EYS: variants seen among roughly 807,000 people sequenced by gnomAD.
EYS encodes the protein EGF-like photoreceptor maintenance factor, also known as protein eyes shut homolog.
A neutral mutation model predicts 282.1 loss-of-function variants in EYS; 250 were observed. That is an observed-to-expected ratio of 0.89 (90% confidence interval 0.80 to 0.98). EYS has a LOEUF of 0.98. EYS is among the 50% of genes least tolerant of loss of function. EYS has a pLI of 0.00. For synonymous variants in EYS, 1,355 were observed against 1,282.9 expected, an observed-to-expected ratio of 1.06 and a Z score of -1.20; for missense variants, 4,016 against 3,709.0, an observed-to-expected ratio of 1.08 and a Z score of -2.15.
At chr6:64,723,101 A>C (rs1364013404) in intron 22 of EYS, among the ~76,000 whole-genome samples, 3 of 150,364 alleles carry the variant, frequency 2.0e-5, no homozygotes, top group African/African-American at 4.9e-5. Flanking sequence ...AAAAAAAAAG[A>C]AACTGGTTTA....
intron 22 of EYS, among the ~76,000 whole-genome samples, chr6:64,727,943 A>T (rs957106427): frequency 2.0e-5 from 3 of 152,226 alleles, no homozygotes; most frequent in Non-Finnish European, 4.4e-5. Flanking sequence ...ATCTGAAGAT[A>T]CAATTGAAAC....
chr6:63,777,288 C>CT (rs1407953331), intron 40 of EYS, among the ~76,000 whole-genome samples: 1 of 152,160 alleles, frequency 6.6e-6, no homozygotes, highest in African/African-American at 2.4e-5. Flanking sequence ...AGGAGAAACT[C>CT]TGACACTCCT....
chr6:65,068,195 C>G (rs1773802422), intron 12 of EYS, among the ~76,000 whole-genome samples: 1 of 152,110 alleles, frequency 6.6e-6, no homozygotes, highest in Non-Finnish European at 1.5e-5. Context: ...GCATTTAGAG[C>G]ATCCATGAAA....
chr6:65,687,688 G>A (rs921690311), intron 1 of EYS, among the ~76,000 whole-genome samples: 3 of 152,142 alleles, frequency 2.0e-5, no homozygotes, highest in Non-Finnish European at 2.9e-5. Context: ...AAACCCCATC[G>A]TCTCAGCCCA....
At chr6:64,299,646 A>T (rs1181526593) in intron 30 of EYS, among the ~76,000 whole-genome samples, 1 of 152,222 alleles carries the variant, frequency 6.6e-6, no homozygotes, top group Non-Finnish European at 1.5e-5. Flanking sequence ...AGCTCAACAG[A>T]AACAGTACAT....
At chr6:64,823,901 A>C (rs186452778) in intron 19 of EYS, among the ~76,000 whole-genome samples, 1 of 152,088 alleles carries the variant, frequency 6.6e-6, no homozygotes, top group East Asian at 1.9e-4. Context: ...TCTTGTAGCC[A>C]ATACATAATA....
At chr6:64,060,101 C>T (rs1688267186) in intron 33 of EYS, among the ~76,000 whole-genome samples, 1 of 151,990 alleles carries the variant, frequency 6.6e-6, no homozygotes, top group African/African-American at 2.4e-5. Flanking sequence ...CAAAAGTCAC[C>T]ATCTGTTTCA....
chr6:65,349,135 T>A (rs1770505915), intron 9 of EYS, among the ~76,000 whole-genome samples: 1 of 151,604 alleles, frequency 6.6e-6, no homozygotes, highest in African/African-American at 2.4e-5. Context: ...ATGGCAGTTT[T>A]ATTATATGTT....
At chr6:64,575,939 A>T (rs1381769987) in intron 26 of EYS, among the ~76,000 whole-genome samples, 2 of 152,136 alleles carry the variant, frequency 1.3e-5, no homozygotes, top group Non-Finnish European at 2.9e-5. Context: ...TGACTGCACA[A>T]AATTAGTGGT....
chr6:64,694,596 G>A (rs1357803892), intron 22 of EYS, among the ~76,000 whole-genome samples: 1 of 152,146 alleles, frequency 6.6e-6, no homozygotes, highest in East Asian at 1.9e-4. Context: ...ATAGGTGACT[G>A]CACAGGAAGC....
At chr6:65,434,532 G>A (rs1641504441) in intron 5 of EYS, among the ~76,000 whole-genome samples, 2 of 152,078 alleles carry the variant, frequency 1.3e-5, no homozygotes, top group Non-Finnish European at 2.9e-5. Flanking sequence ...ATGTTAGCCA[G>A]GACGGTTTCG....
chr6:64,842,587 G>T (rs1182054627), intron 19 of EYS, among the ~76,000 whole-genome samples: 1 of 151,980 alleles, frequency 6.6e-6, no homozygotes, highest in East Asian at 1.9e-4. Context: ...AATGGTGATA[G>T]CAATATGAAT....
At chr6:64,625,565 G>A (rs1026628862) in intron 23 of EYS, among the ~76,000 whole-genome samples, 39 of 152,164 alleles carry the variant, frequency 2.6e-4, no homozygotes, top group South Asian at 4.1e-4. Context: ...AATCCCATTC[G>A]CAAGGGCTTT....
chr6:64,692,507 A>G (rs1230372496), intron 22 of EYS, among the ~76,000 whole-genome samples: 1 of 152,126 alleles, frequency 6.6e-6, no homozygotes, highest in African/African-American at 2.4e-5. Flanking sequence ...TTTTCATTGC[A>G]ATTGCTTTTG....
chr6:65,285,411 A>C (rs1243828717), intron 12 of EYS, among the ~76,000 whole-genome samples: 1 of 151,980 alleles, frequency 6.6e-6, no homozygotes, highest in Non-Finnish European at 1.5e-5. Flanking sequence ...TTTTCTGAGA[A>C]ATGCAAAAAA....
chr6:64,092,579 G>A (rs953046539), intron 31 of EYS, among the ~76,000 whole-genome samples: 4 of 152,084 alleles, frequency 2.6e-5, no homozygotes, highest in Non-Finnish European at 5.9e-5. Context: ...CATATCCTTT[G>A]CCCACTTTTT....
chr6:64,041,148 T>C (rs1481222005), intron 33 of EYS, among the ~76,000 whole-genome samples: 1 of 152,106 alleles, frequency 6.6e-6, no homozygotes, highest in Non-Finnish European at 1.5e-5. Context: ...CCTCTTTAGA[T>C]AGTGGGTGAT....
At chr6:64,567,625 T>G (rs1562066174) in intron 26 of EYS, among the ~76,000 whole-genome samples, 2 of 152,222 alleles carry the variant, frequency 1.3e-5, no homozygotes, top group Admixed American at 6.5e-5. Flanking sequence ...AAGAAAAAGC[T>G]GTCTGAAGAG....
intron 12 of EYS, among the ~76,000 whole-genome samples, chr6:65,091,132 G>T (rs1238408868): frequency 6.6e-6 from 1 of 151,634 alleles, no homozygotes; most frequent in Non-Finnish European, 1.5e-5. Context: ...TTCTCAGTTT[G>T]TATTATAAAT....
Sources: gnomAD v4.1 joint callset for allele counts (sites outside exome capture counted in the v4.1 genomes callset) on GRCh38, gnomAD v4.1.1 for gene constraint, MANE v1.5 for transcripts, NCBI Gene and HGNC (gene_info 2026-07-23, HGNC 2026-07-21) for gene names.